Variants in DACH2 observed in about 807,000 individuals in gnomAD.
DACH2 encodes the protein dachshund homolog 2.
Under a neutral mutation model 35.8 loss-of-function variants are expected in DACH2, and 17 were observed. That is an observed-to-expected ratio of 0.48 (90% CI 0.33 to 0.71). DACH2 has a LOEUF of 0.71. DACH2 is among the 30% of genes least tolerant of loss of function. The pLI, the probability that DACH2 is intolerant of heterozygous loss-of-function variation, is 0.02. For synonymous variants in DACH2, 195 were observed against 177.3 expected (o/e 1.10, Z -0.79); for missense variants, 469 against 472.7 (o/e 0.99, Z 0.07).
chrX:86,706,409 G>A (rs1464899092), intron 5 of DACH2, among the ~76,000 whole-genome samples: 2 of 111,148 alleles, frequency 1.8e-5, no homozygotes, highest in Non-Finnish European at 3.8e-5. Context: ...CCTTAAAGTA[G>A]TATAGTGGTA....
intron 1 of DACH2, among the ~76,000 whole-genome samples, chrX:86,255,338 G>C (rs1283493133): frequency 9.0e-6 from 1 of 111,572 alleles, no homozygotes; most frequent in Non-Finnish European, 1.9e-5. Flanking sequence ...TATGGTAATA[G>C]TTCTATATGT....
At chrX:86,769,998 T>TAA (rs200577742) in intron 7 of DACH2, among the ~76,000 whole-genome samples, 2 of 88,396 alleles carry the variant, frequency 2.3e-5, no homozygotes, top group African/African-American at 4.3e-5. Context: ...CCCTTCTCTA[T>TAA]AAAAAAAATA....
intron 2 of DACH2, among the ~76,000 whole-genome samples, chrX:86,442,641 G>A (rs2037188234): frequency 2.7e-5 from 1 of 36,695 alleles, no homozygotes; most frequent in Admixed American, 4.1e-4. Flanking sequence ...GTGTCATGAA[G>A]CATCTCCCCA....
At chrX:86,799,674 A>G (rs1235372523) in intron 7 of DACH2, among the ~76,000 whole-genome samples, 1 of 112,523 alleles carries the variant, frequency 8.9e-6, no homozygotes, top group African/African-American at 3.2e-5. Context: ...GTTATTAGGA[A>G]GACAAAATAC....
intron 1 of DACH2, among the ~76,000 whole-genome samples, chrX:86,357,651 A>T (rs1349349196): frequency 8.9e-6 from 1 of 112,460 alleles, no homozygotes; most frequent in Non-Finnish European, 1.9e-5. Context: ...TTCTGGGCTT[A>T]TTCAAACATA....
chrX:86,322,734 A>G (rs1472730802), intron 1 of DACH2, among the ~76,000 whole-genome samples: 1 of 112,191 alleles, frequency 8.9e-6, no homozygotes, highest in Non-Finnish European at 1.9e-5. Context: ...ACTGAGCTTT[A>G]TACTCTGCTG....
At chrX:86,505,550 A>G (rs1440214519) in intron 2 of DACH2, among the ~76,000 whole-genome samples, 1 of 111,826 alleles carries the variant, frequency 8.9e-6, no homozygotes, top group African/African-American at 3.2e-5. Flanking sequence ...TCTTATTGTG[A>G]CTTCACTATT....
intron 1 of DACH2, among the ~76,000 whole-genome samples, chrX:86,171,816 G>A (rs188440311): frequency 1.9e-3 from 211 of 111,809 alleles, no homozygotes; most frequent in Middle Eastern, 9.3e-3. Flanking sequence ...GATACTATGA[G>A]TGCTCACTTG....
chrX:86,667,439 A>G (rs1204800745), intron 4 of DACH2, among the ~76,000 whole-genome samples: 15 of 80,062 alleles, frequency 1.9e-4, no homozygotes, highest in African/African-American at 7.1e-4. Flanking sequence ...GAAAAGAAAG[A>G]AAGAAGAAAG....
At chrX:86,794,011 A>G (rs1362018844) in intron 7 of DACH2, among the ~76,000 whole-genome samples, 1 of 112,174 alleles carries the variant, frequency 8.9e-6, no homozygotes, top group Non-Finnish European at 1.9e-5. Flanking sequence ...GTATATAAGA[A>G]GACCTATTCT....
chrX:86,667,374 GAGGAAGGA>G (rs199702492), intron 4 of DACH2, among the ~76,000 whole-genome samples: 1 of 80,064 alleles, frequency 1.2e-5, no homozygotes, highest in Non-Finnish European at 2.4e-5. Context: ...GGAAGGGAGG[GAGGAAGGA>G]AGGAAGGAAG....
At chrX:86,384,543 A>G (rs2036094550) in intron 2 of DACH2, among the ~76,000 whole-genome samples, 1 of 112,130 alleles carries the variant, frequency 8.9e-6, no homozygotes. Flanking sequence ...GATAACACTG[A>G]GTTTTCAATA....
intron 1 of DACH2, among the ~76,000 whole-genome samples, chrX:86,248,353 T>C (rs948514196): frequency 9.0e-6 from 1 of 111,254 alleles, no homozygotes; most frequent in African/African-American, 3.3e-5. Flanking sequence ...TGTTTCAGGA[T>C]ACAAAATCAA....
intron 3 of DACH2, among the ~76,000 whole-genome samples, chrX:86,533,716 T>C (rs191032070): frequency 1.0e-3 from 116 of 111,869 alleles, no homozygotes; most frequent in African/African-American, 3.7e-3. Flanking sequence ...TTATTAGGAG[T>C]ACCAAGTTCT....
intron 2 of DACH2, among the ~76,000 whole-genome samples, chrX:86,469,918 A>T (rs900802047): frequency 1.8e-5 from 2 of 109,650 alleles, no homozygotes; most frequent in Non-Finnish European, 3.8e-5. Flanking sequence ...ATCAACAGCA[A>T]ATATTTTTTT....
At chrX:86,618,836 A>T (rs184510757) in intron 3 of DACH2, among the ~76,000 whole-genome samples, 2 of 111,809 alleles carry the variant, frequency 1.8e-5, no homozygotes, top group Non-Finnish European at 3.8e-5. Context: ...TTAAAATAGA[A>T]AGTTTTGAGA....
intron 2 of DACH2, among the ~76,000 whole-genome samples, chrX:86,398,298 G>C (rs1288633182): frequency 1.8e-5 from 2 of 111,927 alleles, no homozygotes; most frequent in African/African-American, 6.5e-5. Flanking sequence ...TATTAGTCTT[G>C]CTAGGGGTCT....
At chrX:86,234,981 T>C (rs914708997) in intron 1 of DACH2, among the ~76,000 whole-genome samples, 4 of 112,004 alleles carry the variant, frequency 3.6e-5, no homozygotes, top group African/African-American at 1.3e-4. Context: ...TTACCTAATG[T>C]CCTTTTCCTG....
intron 2 of DACH2, among the ~76,000 whole-genome samples, chrX:86,479,307 C>T (rs780896486): frequency 5.4e-5 from 6 of 110,451 alleles, no homozygotes; most frequent in East Asian, 2.9e-4. Flanking sequence ...AACATTTGGG[C>T]GTGAAAACAG....
Sources: gnomAD v4.1 joint callset for allele counts (sites outside exome capture counted in the v4.1 genomes callset) on GRCh38, gnomAD v4.1.1 for gene constraint, MANE v1.5 for transcripts, NCBI Gene and HGNC (gene_info 2026-07-23, HGNC 2026-07-21) for gene names.